Variants in RYR1 observed in about 807,000 individuals in gnomAD.
The protein encoded by RYR1 is ryanodine receptor 1, also known as central core disease of muscle.
A neutral mutation model predicts 583.5 loss-of-function variants in RYR1; 342 were observed. That is an observed-to-expected ratio of 0.59 (90% CI 0.54 to 0.64). The LOEUF (loss-of-function observed/expected upper bound fraction) is 0.64, where lower values mean the gene tolerates loss of function less well. Ranked by LOEUF, RYR1 falls within the 30% of genes least tolerant of loss-of-function variation. The pLI, the probability that RYR1 is intolerant of heterozygous loss-of-function variation, is 0.00. For missense variants in RYR1, 6,032 were observed against 6,917.2 expected (o/e 0.87, Z 4.54); for synonymous variants, 2,791 against 2,822.5 (o/e 0.99, Z 0.35).
At chr19:38,546,605 G>A in intron 88 of RYR1, 79 bp downstream of exon 88, 1 of 1,148,776 alleles carries the variant, frequency 8.7e-7, no homozygotes, top group Non-Finnish European at 1.3e-6. Context: ...AGACCCGGGA[G>A]ACCCTAATCC....
At chr19:38,464,278 GAAAAAAAAAAAAAA>G (rs547288253) in intron 22 of RYR1, among the ~76,000 whole-genome samples, 5 of 64,242 alleles carry the variant, frequency 7.8e-5, no homozygotes, top group Non-Finnish European at 1.1e-4. Flanking sequence ...CACCGTTTCA[GAAAAAAAAAAAAAA>G]AAAAAAAAAA....
chr19:38,531,496 G>T (rs773605065), intron 76 of RYR1, among the ~76,000 whole-genome samples: 1 of 151,854 alleles, frequency 6.6e-6, no homozygotes, highest in South Asian at 2.1e-4. Flanking sequence ...TTGTAGAGGA[G>T]ACCCAAGCAG....
rs1222454745 is a variant in RYR1 at position 38,458,131 on chromosome 19, A to G, written c.2006A>G (p.Glu669Gly). Residue 669 changes from glutamate to glycine, a missense_variant, in exon 18 of 106, where the codon GAG (glutamate) becomes GGG (glycine). By Grantham distance (98) the Glu-to-Gly change is moderately conservative. Transcript: ENST00000359596. ...TGGTACTTTGAGGTGATGGTGGACG[A>G]GGTGACTCCATTTCTGACAGCTCAG... ...SKWYFEVMVD[E>G]VTPFLTAQAT... 1 of 1,613,900 alleles carries G rather than the reference A, an allele frequency of 6.2e-7. No individual in the cohort carries two copies. Among genetic ancestry groups the G allele is most frequent in the Non-Finnish European group, 8.5e-7 (1 of 1,180,038 alleles).
intron 76 of RYR1, among the ~76,000 whole-genome samples, chr19:38,530,883 A>G (rs1193200330): frequency 1.3e-5 from 2 of 150,664 alleles, no homozygotes; most frequent in East Asian, 2.0e-4. Context: ...GCTCGCTGCA[A>G]TCTCCACCTC....
rs924271994 is a variant in RYR1, at chr19:38,495,096, C to G, written c.6548+471C>G. 5.5e-4 allele frequency among the ~76,000 whole-genome samples: 83 copies of G among 152,036 alleles called. 2 individuals carry two copies. Among genetic ancestry groups the G allele is most frequent in the Non-Finnish European group, 1.2e-4 (8 of 67,996 alleles). ...CGAACTCCTAACCTCAGGTGATCCACCCGCCTCGGCCTCCCAAAGTGCTGG... is the reference window on the plus strand; with the variant it reads ...CGAACTCCTAACCTCAGGTGATCCAGCCGCCTCGGCCTCCCAAAGTGCTGG... On this transcript the variant is annotated intron_variant, in intron 39 of 105. Transcript: ENST00000359596.
intron 67 of RYR1, among the ~76,000 whole-genome samples, chr19:38,520,416 C>T (rs1336960838): frequency 1.2e-4 from 18 of 148,806 alleles, no homozygotes; most frequent in Non-Finnish European, 1.8e-4. Flanking sequence ...ACATATAGGC[C>T]GGGTGTGGTG....
chr19:38,480,257 C>T (rs949624938), intron 31 of RYR1, among the ~76,000 whole-genome samples: 1 of 152,022 alleles, frequency 6.6e-6, no homozygotes, highest in Non-Finnish European at 1.5e-5. Flanking sequence ...ATCCTCCCAC[C>T]TCAGCCTCCT....
At chr19:38,538,864 A>G (rs1972084926) in intron 84 of RYR1, among the ~76,000 whole-genome samples, 1 of 152,196 alleles carries the variant, frequency 6.6e-6, no homozygotes, top group Admixed American at 6.5e-5. Context: ...AACCTAGCTT[A>G]CAACTTTACA....
In RYR1 at chr19:38,565,339, G is replaced by A; in HGVS notation, c.13005G>A (p.Leu4335=). The stretch of plus-strand genomic sequence containing the variant: ...AGGCGGCCACCGCAGTGGCGGCGCT[G>A]CTCTGGGCAGCAGTGACGCGCGCTG... ...AREAATAVAA[L]LWAAVTRAGA... Residue 4335 remains leucine (L), a synonymous_variant, in exon 91 of 106, where the codon CTG becomes CTA. Coordinates refer to ENST00000359596, the MANE Select transcript of RYR1 (RefSeq NM_000540.3). The surrounding 1 kb of genome is among the most constrained non-coding windows in gnomAD (Gnocchi z 4.7). The A allele has an allele frequency of 8.0e-7, 1 of 1,253,378 alleles. No individual in the cohort carries two copies. Among genetic ancestry groups the A allele is most frequent in the Non-Finnish European group, 9.9e-7 (1 of 1,005,428 alleles). 77.6% of individuals were successfully genotyped at this position (1,253,378 alleles called of 1,614,324 possible). A position where few individuals can be genotyped will look rare whatever the true frequency, so the allele number is the denominator to read the frequency against.
chr19:38,516,894 CT>C (rs61309874), intron 65 of RYR1, among the ~76,000 whole-genome samples: 1 of 152,256 alleles, frequency 6.6e-6, no homozygotes, highest in East Asian at 1.9e-4. Context: ...GGAAACTTGT[CT>C]TCTTGGTCAG....
At chr19:38,534,948 C>G in intron 79 of RYR1, 129 bp downstream of exon 79, 1 of 1,139,178 alleles carries the variant, frequency 8.8e-7, no homozygotes, top group Non-Finnish European at 1.3e-6. Context: ...ACACCCCAGC[C>G]CTTGCAGCTT....
At chr19:38,514,715 AAAC>A (rs1178488463) in intron 63 of RYR1, among the ~76,000 whole-genome samples, 1 of 152,170 alleles carries the variant, frequency 6.6e-6, no homozygotes, top group Admixed American at 6.5e-5. Flanking sequence ...TCCACGGAAG[AAAC>A]AACATCTAGC....
chr19:38,556,907 GT>G (rs1972900808), intron 89 of RYR1, among the ~76,000 whole-genome samples: 1 of 152,090 alleles, frequency 6.6e-6, no homozygotes, highest in South Asian at 2.1e-4. Context: ...GGTGTAAGGA[GT>G]TTTTTAGCCA....
chr19:38,538,627 C>T (rs1220204880), intron 84 of RYR1: 1 of 152,338 alleles, frequency 6.6e-6, no homozygotes, highest in African/African-American at 2.4e-5. Context: ...CAGAAAAGAC[C>T]TAAGGGAAAA....
chr19:38,546,497 T>C lies in RYR1; in HGVS notation c.12065T>C (p.Met4022Thr). The C allele has an allele frequency of 3.1e-6, 5 of 1,613,250 alleles. No homozygotes were observed. Among genetic ancestry groups the C allele is most frequent in the South Asian group, 1.1e-5 (1 of 91,032 alleles). The change falls in exon 88 of 106, where the codon ATG becomes ACG. Residue 4022 changes from methionine (M) to threonine (T), a missense_variant. By Grantham distance (81) the Met-to-Thr change is moderately conservative. Around this residue, in one of 11 missense-constraint regions of RYR1, gnomAD observed 82 missense variants for 139.7 expected, o/e 0.59. Coordinates refer to ENST00000359596, the MANE Select transcript of RYR1 (RefSeq NM_000540.3). ...LKELLDLQKDMVVMLLSLLEG... is the reference protein window; with the variant it reads ...LKELLDLQKDTVVMLLSLLEG... ...GAGCTGCTGGATCTGCAGAAGGACA[T>C]GGTGGTGATGTTGCTGTCGCTACTA... is the stretch of plus-strand genomic sequence containing the variant.
chr19:38,519,445 A>G lies in RYR1; in HGVS notation c.10250A>G (p.Asp3417Gly), dbSNP rs766469628. 3.1e-6 allele frequency: 5 copies of G among 1,596,548 alleles called. No homozygotes were observed. In the African/African-American group the frequency reaches 5.4e-5, roughly 17 times the overall value. ...ALYPLLIRYV[D>G]NNRAQWLTEP... ...TATCCGCTGCTCATCCGCTACGTGG[A>G]CAACAACAGGTCAGCGGGGCCCCGC... Residue 3417 changes from aspartate (D) to glycine (G), a missense_variant, in exon 67 of 106, where the codon GAC becomes GGC. Physicochemically the swap from Asp to Gly is moderately conservative, Grantham distance 94 (BLOSUM62 -1). This residue lies in a region of RYR1 where 1,493 missense variants were observed against 1,715.5 expected (regional missense o/e 0.87). Transcript: ENST00000359596.
rs201427712 is a variant in RYR1, at chr19:38,503,383, A to AT, written c.7926+419dup. On this transcript the variant is annotated intron_variant, in intron 49 of 105. Transcript: ENST00000359596. ...TGAATATTTGCACACTGTCTCTCTT[A>AT]TTTTTTCATTTGCATGCTAATTTGC... Among the ~76,000 whole-genome samples the AT allele has an allele frequency of 7.9e-3, 1,207 of 152,092 alleles. 16 individuals are homozygous for AT. The highest frequency in any genetic ancestry group is 0.028 in the African/African-American group (1,144 of 41,488).
Position 38,494,623 on chromosome 19 carries a change from C to A in RYR1, c.6546C>A (p.Ile2182=), listed in dbSNP as rs768963605. ...AGGAGAACCTCATGATCCAGAGCAT[C>A]GGGTGAGACACCGCCCTTCCCCCTT... is the stretch of plus-strand genomic sequence containing the variant. ...PQEENLMIQS[I]GNIMNNKVFY... is the part of the protein sequence containing the mutation. The change falls in exon 39 of 106, where the codon ATC becomes ATA. Residue 2182 remains isoleucine, a splice_region_variant and synonymous_variant. Transcript: ENST00000359596. 1.2e-6 allele frequency: 2 copies of A among 1,614,050 alleles called. No homozygotes were observed. Among genetic ancestry groups the A allele is most frequent in the East Asian group, 2.2e-5 (1 of 44,876 alleles).
intron 84 of RYR1, among the ~76,000 whole-genome samples, chr19:38,538,161 G>A (rs184243833): frequency 1.2e-3 from 190 of 152,276 alleles, no homozygotes; most frequent in African/African-American, 4.3e-3. Flanking sequence ...ACTTTGGGAG[G>A]CAAAGGCTGG....
Sources: allele counts gnomAD v4.1 joint callset (sites outside exome capture counted in the v4.1 genomes callset), GRCh38; gene constraint gnomAD v4.1.1; regional missense constraint gnomAD v4.1.1; non-coding constraint Gnocchi (gnomAD v3.1); transcripts MANE v1.5; gene names NCBI Gene and HGNC (gene_info 2026-07-23, HGNC 2026-07-21).